The following C4orf50 variants were observed in gnomAD, a reference collection of about 807,000 sequenced individuals.
C4orf50 encodes uncharacterized protein C4orf50.
A neutral mutation model predicts 77.2 loss-of-function variants in C4orf50; 80 were observed. That is an observed-to-expected ratio of 1.04 (90% CI 0.87 to 1.25). The LOEUF is 1.25. C4orf50 is among the 50% of genes most tolerant of loss of function. C4orf50 has a pLI of 0.00. For missense variants in C4orf50, 1,257 were observed against 1,152.9 expected (o/e 1.09, Z -1.31); for synonymous variants, 532 against 465.3 (o/e 1.14, Z -1.84).
intron 7 of C4orf50, among the ~76,000 whole-genome samples, chr4:5,941,682 G>A (rs139597533): frequency 4.5e-4 from 69 of 152,184 alleles, no homozygotes; most frequent in African/African-American, 1.4e-3. Flanking sequence ...CCCAGCACAC[G>A]CTAAACAGTC....
At chr4:6,004,363 ATGATGG>A (rs1560599176) in intron 25 of C4orf50, among the ~76,000 whole-genome samples, 2 of 13,788 alleles carry the variant, frequency 1.5e-4, no homozygotes, top group Non-Finnish European at 2.0e-4. Context: ...GGTGATGGTG[ATGATGG>A]TGATGGTGAT....
rs1719973498 is a variant in C4orf50, at chr4:5,972,287, G to GCCAC, written c.4104+1368_4104+1371dup. Reference sequence around the variant, plus strand: ...CAAAGTGCTGGGATTACAGGCACGAGCCACCGCGCCCGGCCTGCTTTCAAT... The same window carrying GCCAC: ...CAAAGTGCTGGGATTACAGGCACGAGCCACCCACCGCGCCCGGCCTGCTTTCAAT... On this transcript the variant is annotated intron_variant, in intron 31 of 33. Coordinates refer to ENST00000531445, the Ensembl canonical transcript of C4orf50. Among the ~76,000 whole-genome samples, 4 of 152,252 alleles carry GCCAC rather than the reference G, an allele frequency of 2.6e-5. No homozygotes were observed. In the South Asian group the frequency reaches 8.3e-4, roughly 32 times the overall value.
chr4:5,937,896 C>A (rs970631345), intron 7 of C4orf50, among the ~76,000 whole-genome samples: 1 of 152,140 alleles, frequency 6.6e-6, no homozygotes, highest in Non-Finnish European at 1.5e-5. Flanking sequence ...TACTAGACTG[C>A]ACTAAATATT....
chr4:5,963,057 A>G (rs182842129), intron 33 of C4orf50, among the ~76,000 whole-genome samples: 1 of 147,794 alleles, frequency 6.8e-6, no homozygotes, highest in East Asian at 2.1e-4. Context: ...GCTGGAGTGC[A>G]GAGACACGAT....
intron 28 of C4orf50, among the ~76,000 whole-genome samples, chr4:5,983,277 C>A (rs1577964459): frequency 6.6e-6 from 1 of 152,208 alleles, no homozygotes; most frequent in South Asian, 2.1e-4. Context: ...GGCTTCCTAC[C>A]ACATCTAGAA....
At chr4:5,979,960 T>C (rs964917229) in intron 29 of C4orf50, among the ~76,000 whole-genome samples, 4 of 152,220 alleles carry the variant, frequency 2.6e-5, no homozygotes, top group African/African-American at 9.6e-5. Context: ...AAACCACATA[T>C]GTGCATTTTT....
chr4:6,009,316 TAGA>T lies in C4orf50; in HGVS notation c.427-787_427-785del, dbSNP rs1722387385. ...TTCAGAATTAATTCAAGCAAAGGGATAGAACTACGTCTACGTTAATCTTTCAAC... is the reference window on the plus strand; with the variant it reads ...TTCAGAATTAATTCAAGCAAAGGGATACTACGTCTACGTTAATCTTTCAAC... On this transcript the variant is annotated intron_variant, in intron 24 of 33. Coordinates refer to ENST00000531445, the Ensembl canonical transcript of C4orf50. The surrounding 1 kb of genome is among the most constrained non-coding windows in gnomAD (Gnocchi z 5.6). 6.6e-6 allele frequency among the ~76,000 whole-genome samples: 1 copy of T among 152,226 alleles called. No homozygotes were observed. Among genetic ancestry groups the T allele is most frequent in the South Asian group, 2.1e-4 (1 of 4,826 alleles).
In C4orf50 at chr4:5,908,087, T is replaced by C. The variant is rs974937699; in HGVS notation, c.*2475-9899A>G. On this transcript the variant is annotated intron_variant, in intron 7 of 7. Coordinates refer to the C4orf50 transcript ENST00000324058. The surrounding 1 kb of genome is among the most constrained non-coding windows in gnomAD (Gnocchi z 5.6). ...TTTGCTTGTTTATTCATTCACTCAT[T>C]TATTTGCTCATTTTTAAGTACCTAC... Among the ~76,000 whole-genome samples the C allele has an allele frequency of 1.3e-5, 2 of 152,206 alleles. No homozygotes were observed.
chr4:5,909,771 C>T (rs536546857), intron 7 of C4orf50, among the ~76,000 whole-genome samples: 2 of 152,280 alleles, frequency 1.3e-5, no homozygotes, highest in Non-Finnish European at 2.9e-5. Context: ...ATGTTCTTTC[C>T]CCAATGTATG....
rs1240053293 is a variant in C4orf50, at chr4:6,007,921, A to G, written c.963+75T>C. 5.0e-6 allele frequency: 2 copies of G among 399,098 alleles called. No individual in the cohort carries two copies. Among genetic ancestry groups the G allele is most frequent in the Non-Finnish European group, 8.8e-6 (2 of 226,430 alleles). The allele number at this position is 399,098 out of a possible 1,614,324, so 24.7% of individuals were successfully genotyped here. A position where few individuals can be genotyped will look rare whatever the true frequency, so the allele number is the denominator to read the frequency against. ...GAGGAGCCCGGGGAATGGATGGGCC[A>G]ATGACTTCACCAAGTGGCTGGAGGA... On this transcript the variant is annotated intron_variant, in intron 25 of 33. Coordinates refer to ENST00000531445, the Ensembl canonical transcript of C4orf50. The surrounding 1 kb of genome is among the most constrained non-coding windows in gnomAD (Gnocchi z 4.1).
At chr4:5,962,845 G>T (rs1201033572) in intron 33 of C4orf50, among the ~76,000 whole-genome samples, 2 of 152,220 alleles carry the variant, frequency 1.3e-5, no homozygotes, top group Non-Finnish European at 2.9e-5. Context: ...TATCACTGTC[G>T]TCATTATCCT....
intron 7 of C4orf50, among the ~76,000 whole-genome samples, chr4:5,944,189 G>A (rs1297033799): frequency 6.6e-6 from 1 of 152,192 alleles, no homozygotes. Flanking sequence ...AGTCATAGTG[G>A]ACAGTCTCTA....
chr4:5,975,817 G>C (rs1298993901), intron 30 of C4orf50, 82 bp downstream of exon 8: 1 of 1,098,356 alleles, frequency 9.1e-7, no homozygotes, highest in African/African-American at 1.5e-5. Flanking sequence ...AATAGAGGTG[G>C]ATTACATGTC....
chr4:6,002,947 T>G (rs758510368), intron 25 of C4orf50, among the ~76,000 whole-genome samples: 18 of 152,174 alleles, frequency 1.2e-4, no homozygotes. Context: ...GAGGATTAAG[T>G]GAGTAACAGA....
At chr4:5,972,064 G>A (rs1360053684) in intron 31 of C4orf50, among the ~76,000 whole-genome samples, 2 of 151,358 alleles carry the variant, frequency 1.3e-5, no homozygotes. Flanking sequence ...GAGTGCAGTG[G>A]TGTGATCTCG....
At chr4:5,920,178 C>T (rs1717199134) in intron 7 of C4orf50, among the ~76,000 whole-genome samples, 1 of 152,170 alleles carries the variant, frequency 6.6e-6, no homozygotes, top group African/African-American at 2.4e-5. Context: ...TGCACAGATA[C>T]CGGGGATAAC....
At chr4:5,983,392 G>A (rs561432700) in intron 28 of C4orf50, among the ~76,000 whole-genome samples, 8 of 152,174 alleles carry the variant, frequency 5.3e-5, no homozygotes, top group African/African-American at 9.6e-5. Flanking sequence ...ATCCAGCCAC[G>A]CTGACTACTT....
chr4:5,992,613 C>T lies in C4orf50; in HGVS notation c.1221+190G>A, dbSNP rs560124609. ...CAGTTAACCCCCTTCCTCCCCACCCCCCATCCAGGTCTCAGGATGTTTCAT... is the reference window on the plus strand; with the variant it reads ...CAGTTAACCCCCTTCCTCCCCACCCTCCATCCAGGTCTCAGGATGTTTCAT... On this transcript the variant is annotated intron_variant, in intron 27 of 33. Transcript: ENST00000531445. This position sits in a 1 kb window ranked among gnomAD's most constrained non-coding sequence, Gnocchi z 5.0. 1.1e-4 allele frequency among the ~76,000 whole-genome samples: 16 copies of T among 152,224 alleles called. No individual in the cohort carries two copies. The highest frequency in any genetic ancestry group is 7.2e-4 in the Admixed American group (11 of 15,294).
chr4:5,990,157 C>A, exon 28 of C4orf50: 2 of 1,256,962 alleles, frequency 1.6e-6, no homozygotes, highest in Non-Finnish European at 2.0e-6. Context: ...TGAGGCCTCC[C>A]CCTGTAGAAG....
Sources: gnomAD v4.1 joint callset for allele counts (sites outside exome capture counted in the v4.1 genomes callset) on GRCh38, gnomAD v4.1.1 for gene constraint, Gnocchi (gnomAD v3.1) non-coding constraint, MANE v1.5 for transcripts, NCBI Gene and HGNC (gene_info 2026-07-23, HGNC 2026-07-21) for gene names.